The following UBE3D variants were observed in gnomAD, a reference collection of about 807,000 sequenced individuals.
UBE3D encodes ubiquitin protein ligase E3D, also known as E3 ubiquitin-protein ligase E3D.
In UBE3D, 48 loss-of-function variants were observed where a neutral mutation model predicts 49.6. That is an observed-to-expected ratio of 0.97 (90% confidence interval 0.77 to 1.23). The LOEUF (loss-of-function observed/expected upper bound fraction) is 1.23. UBE3D is among the 50% of genes most tolerant of loss of function. The pLI, the probability that UBE3D is intolerant of heterozygous loss-of-function variation, is 0.00. For missense variants in UBE3D, 452 were observed against 468.4 expected (o/e 0.96, Z 0.32); for synonymous variants, 189 against 174.2 (o/e 1.08, Z -0.67).
intron 9 of UBE3D, among the ~76,000 whole-genome samples, chr6:82,922,665 G>GCACGGGCAAAAACTT (rs60954851): frequency 0.19 from 29,165 of 150,566 alleles, 3,051 homozygotes; most frequent in African/African-American, 0.26. Context: ...CAGGACATAG[G>GCACGGGCAAAAACTT]CATGTCTAAA....
chr6:82,980,024 T>G (rs538518697), intron 8 of UBE3D, among the ~76,000 whole-genome samples: 29 of 152,208 alleles, frequency 1.9e-4, no homozygotes, highest in Admixed American at 5.2e-4. Context: ...TTATATATCT[T>G]TGCTATTGTG....
chr6:83,030,723 GA>G (rs1781805013), intron 5 of UBE3D, among the ~76,000 whole-genome samples: 2 of 152,154 alleles, frequency 1.3e-5, no homozygotes, highest in African/African-American at 4.8e-5. Flanking sequence ...GGGAAAGTTT[GA>G]AACTTCCTAG....
At chr6:82,962,276 A>C (rs1028024900) in intron 8 of UBE3D, among the ~76,000 whole-genome samples, 1 of 152,236 alleles carries the variant, frequency 6.6e-6, no homozygotes, top group African/African-American at 2.4e-5. Context: ...AGGAAATTTT[A>C]AATGCTACTT....
chr6:82,960,215 T>C (rs1386915499), intron 8 of UBE3D, among the ~76,000 whole-genome samples: 1 of 152,222 alleles, frequency 6.6e-6, no homozygotes. Context: ...GTGTCTTTTC[T>C]GTGTTTAAAA....
intron 9 of UBE3D, among the ~76,000 whole-genome samples, chr6:82,908,925 G>A (rs2127724054): frequency 6.6e-6 from 1 of 152,294 alleles, no homozygotes; most frequent in Admixed American, 6.5e-5. Context: ...TCAGGCTGCA[G>A]GTGAGTCAGT....
At chr6:83,000,000 C>T (rs1010440014) in intron 8 of UBE3D, among the ~76,000 whole-genome samples, 2 of 152,200 alleles carry the variant, frequency 1.3e-5, no homozygotes, top group Non-Finnish European at 2.9e-5. Flanking sequence ...CTTCTTAAAG[C>T]AGTTTCCTCC....
At chr6:82,965,583 C>CAAAAA (rs35257086) in intron 8 of UBE3D, among the ~76,000 whole-genome samples, 25 of 86,232 alleles carry the variant, frequency 2.9e-4, no homozygotes, top group Non-Finnish European at 3.9e-4. Context: ...AACTCCATCT[C>CAAAAA]AAAAAAAAAA....
intron 9 of UBE3D, among the ~76,000 whole-genome samples, chr6:82,936,387 T>C (rs1002408489): frequency 6.6e-6 from 1 of 152,176 alleles, no homozygotes; most frequent in African/African-American, 2.4e-5. Flanking sequence ...CTCAAATATT[T>C]ATTGCCTTTA....
intron 8 of UBE3D, among the ~76,000 whole-genome samples, chr6:82,994,585 G>T (rs1190554466): frequency 2.6e-5 from 4 of 152,164 alleles, no homozygotes; most frequent in African/African-American, 9.7e-5. Flanking sequence ...AGGTGACACA[G>T]GTTGAAGAGA....
At chr6:82,914,017 A>G (rs1479095694) in intron 9 of UBE3D, among the ~76,000 whole-genome samples, 1 of 152,184 alleles carries the variant, frequency 6.6e-6, no homozygotes, top group Non-Finnish European at 1.5e-5. Context: ...AGAGTTTAAG[A>G]GACAGAGACA....
At position 82,925,676 on chromosome 6, in the gene UBE3D, C is replaced by T. The variant is rs547237835; in HGVS notation, c.1149+31636G>A. On this transcript the variant is annotated intron_variant, in intron 9 of 9. Transcript: ENST00000369747. ...GCTCTGTTCTTGGCTGCATGCTTAA[C>T]TGCCCAATATCCTTCACTAAAATCC... 7.2e-5 allele frequency among the ~76,000 whole-genome samples: 11 copies of T among 152,210 alleles called. No individual in the cohort carries two copies. The South Asian group carries it at 2.3e-3, about 32-fold the overall frequency.
chr6:82,974,371 C>T (rs1437820716), intron 8 of UBE3D, among the ~76,000 whole-genome samples: 1 of 152,094 alleles, frequency 6.6e-6, no homozygotes, highest in African/African-American at 2.4e-5. Flanking sequence ...CCACAACAAC[C>T]TGCAGATAAC....
intron 8 of UBE3D, chr6:83,018,765 T>A: frequency 1.8e-6 from 1 of 564,566 alleles, no homozygotes; most frequent in Non-Finnish European, 3.0e-6. Flanking sequence ...ACAATAATTT[T>A]TGGTAAAAGC....
chr6:82,919,601 A>C lies in UBE3D; in HGVS notation c.1150-26559T>G, dbSNP rs543127520. Among the ~76,000 whole-genome samples the C allele has an allele frequency of 2.0e-4, 30 of 149,792 alleles. 1 individual carries two copies. The South Asian group carries it at 6.0e-3, about 30-fold the overall frequency. On this transcript the variant is annotated intron_variant, in intron 9 of 9. Coordinates refer to ENST00000369747, the MANE Select transcript of UBE3D (RefSeq NM_198920.3). ...ACACAGCAAGACTCAGTCTCAAAAA[A>C]TAAAATAAAATAAAATAAAATAATA...
chr6:82,911,987 C>G (rs1772561747), intron 9 of UBE3D, among the ~76,000 whole-genome samples: 1 of 151,916 alleles, frequency 6.6e-6, no homozygotes, highest in Non-Finnish European at 1.5e-5. Context: ...TCCTGGGGAA[C>G]AGAAAACATG....
chr6:82,960,501 C>T (rs904901939), intron 8 of UBE3D, among the ~76,000 whole-genome samples: 3 of 151,894 alleles, frequency 2.0e-5, no homozygotes, highest in Admixed American at 2.0e-4. Flanking sequence ...GACCCACTTA[C>T]ATATCATTTC....
At chr6:83,016,307 T>G (rs528387954) in intron 8 of UBE3D, among the ~76,000 whole-genome samples, 1 of 152,222 alleles carries the variant, frequency 6.6e-6, no homozygotes, top group African/African-American at 2.4e-5. Context: ...AAAGGCATTA[T>G]GTATAGAGTT....
intron 8 of UBE3D, among the ~76,000 whole-genome samples, chr6:82,963,326 T>C (rs961966114): frequency 2.6e-5 from 4 of 152,036 alleles, no homozygotes; most frequent in African/African-American, 9.7e-5. Context: ...TTAGGACATA[T>C]GTTGATAAAG....
chr6:83,065,683 C>A lies in UBE3D; in HGVS notation c.36G>T (p.Leu12=). ...CGCTCTGCAGCTGTCCCCGCACCTC[C>A]AGAAACACGCGCGTCTCCGCCGCAG... ...AASAAETRVF[L]EVRGQLQSAL... Residue 12 remains leucine (L), a synonymous_variant, in exon 1 of 10, where the codon CTG becomes CTT. Transcript: ENST00000369747. The A allele has an allele frequency of 6.2e-7, 1 of 1,613,458 alleles. No homozygotes were observed. Among genetic ancestry groups the A allele is most frequent in the Non-Finnish European group, 8.5e-7 (1 of 1,179,740 alleles).
Sources: gnomAD v4.1 joint callset for allele counts (sites outside exome capture counted in the v4.1 genomes callset) on GRCh38, gnomAD v4.1.1 for gene constraint, MANE v1.5 for transcripts, NCBI Gene and HGNC (gene_info 2026-07-23, HGNC 2026-07-21) for gene names.